ANO3: variants seen among roughly 807,000 people sequenced by gnomAD.
The protein encoded by ANO3 is anoctamin-3.
ANO3 carries 99 observed loss-of-function variants against 144.8 expected under a neutral mutation model. The observed-to-expected ratio is 0.68, with a 90% CI of 0.58 to 0.81. ANO3 has a LOEUF of 0.81. Among genes scored for constraint, ANO3 ranks in the 30% least tolerant of loss-of-function variants. The pLI is 0.00. For synonymous variants in ANO3, 414 were observed against 392.6 expected (o/e 1.05, Z -0.64); for missense variants, 905 against 1,202.2 (o/e 0.75, Z 3.66).
intron 1 of ANO3, among the ~76,000 whole-genome samples, chr11:26,199,682 T>C (rs550649473): frequency 6.6e-6 from 1 of 152,318 alleles, no homozygotes; most frequent in African/African-American, 2.4e-5. Context: ...CAAATGCCCA[T>C]GGATTTTTAT....
chr11:26,196,927 A>G (rs1425714423), intron 1 of ANO3, among the ~76,000 whole-genome samples: 1 of 152,234 alleles, frequency 6.6e-6, no homozygotes, highest in Non-Finnish European at 1.5e-5. Context: ...TCATTAAGAG[A>G]GAATAAAACA....
At chr11:26,212,301 A>G (rs1022040050) in intron 1 of ANO3, among the ~76,000 whole-genome samples, 1 of 151,996 alleles carries the variant, frequency 6.6e-6, no homozygotes, top group African/African-American at 2.4e-5. Context: ...GTAGAACTGA[A>G]GGAGGTGGAG....
At chr11:26,295,403 T>C (rs1041317435) in intron 1 of ANO3, among the ~76,000 whole-genome samples, 2 of 149,882 alleles carry the variant, frequency 1.3e-5, no homozygotes, top group Non-Finnish European at 3.0e-5. Context: ...CGGGCGCCTA[T>C]AGTCCCAGCT....
intron 3 of ANO3, among the ~76,000 whole-genome samples, chr11:26,446,497 A>G (rs1858707372): frequency 6.6e-6 from 1 of 152,212 alleles, no homozygotes; most frequent in African/African-American, 2.4e-5. Context: ...GATATTTCTC[A>G]TTGTTCCAAA....
intron 12 of ANO3, among the ~76,000 whole-genome samples, chr11:26,553,043 A>G (rs1849978106): frequency 6.2e-5 from 1 of 16,114 alleles, no homozygotes; most frequent in African/African-American, 2.1e-4. Flanking sequence ...TAAAGAAGGA[A>G]TCCCAAACTT....
chr11:26,401,413 C>A (rs972794298), intron 1 of ANO3, among the ~76,000 whole-genome samples: 1 of 151,988 alleles, frequency 6.6e-6, no homozygotes, highest in African/African-American at 2.4e-5. Flanking sequence ...TATCCGCTTT[C>A]CTGGTAGTTT....
Position 26,660,549 on chromosome 11 carries a change from A to G in ANO3, c.*105A>G, listed in dbSNP as rs1565173452. On this transcript the variant is annotated 3_prime_UTR_variant, in exon 27 of 27. Coordinates refer to ENST00000256737, the MANE Select transcript of ANO3 (RefSeq NM_031418.4). ...GAGGAAGGCATACTTGGCAAACCAC[A>G]TGTATAATATGCTACTTGGAAATGT... 6 of 943,518 alleles carry G rather than the reference A, an allele frequency of 6.4e-6. No homozygotes were observed. The African/African-American group carries it at 6.7e-5, about 11-fold the overall frequency. 58.4% of individuals were successfully genotyped at this position (943,518 alleles called of 1,614,324 possible). A position where few individuals can be genotyped will look rare whatever the true frequency, so the allele number is the denominator to read the frequency against.
At chr11:26,189,039 G>A (rs1851427077) in exon 1 of ANO3, 1 of 256,142 alleles carries the variant, frequency 3.9e-6, no homozygotes, top group Middle Eastern at 2.1e-3. Flanking sequence ...ATTTCCTTTG[G>A]ATTTCCAAGT....
At chr11:26,455,668 A>G (rs920590946) in intron 3 of ANO3, among the ~76,000 whole-genome samples, 5 of 152,112 alleles carry the variant, frequency 3.3e-5, no homozygotes, top group South Asian at 2.1e-4. Context: ...TATAGATTCA[A>G]TGCCATCCCC....
upstream of ANO3, chr11:26,331,492 TATA>T (rs1328162726): frequency 2.0e-5 from 3 of 152,212 alleles, no homozygotes; most frequent in Non-Finnish European, 4.4e-5. Flanking sequence ...AGTTTCTTTT[TATA>T]ATATTAGAAT....
chr11:26,200,690 A>G (rs1450143763), intron 1 of ANO3, among the ~76,000 whole-genome samples: 3 of 152,176 alleles, frequency 2.0e-5, no homozygotes, highest in African/African-American at 7.2e-5. Flanking sequence ...ACAAAATATT[A>G]CATGTATGAT....
At chr11:26,453,297 C>G (rs565746309) in intron 3 of ANO3, among the ~76,000 whole-genome samples, 76 of 151,324 alleles carry the variant, frequency 5.0e-4, no homozygotes, top group South Asian at 2.1e-3. Context: ...ATTGGATAAA[C>G]AGTCAAGACC....
chr11:26,443,289 T>C (rs1858587788), intron 2 of ANO3, among the ~76,000 whole-genome samples: 1 of 152,192 alleles, frequency 6.6e-6, no homozygotes, highest in Non-Finnish European at 1.5e-5. Flanking sequence ...TATAGGTGTT[T>C]CTTTTTTCCC....
intron 1 of ANO3, among the ~76,000 whole-genome samples, chr11:26,384,912 A>G (rs1856684156): frequency 6.6e-6 from 1 of 152,184 alleles, no homozygotes; most frequent in South Asian, 2.1e-4. Flanking sequence ...TACCTTGGCA[A>G]TTCTACCTTG....
At chr11:26,231,425 G>T (rs1852397722) in intron 1 of ANO3, among the ~76,000 whole-genome samples, 1 of 152,164 alleles carries the variant, frequency 6.6e-6, no homozygotes, top group Non-Finnish European at 1.5e-5. Context: ...GGTTTGGATG[G>T]AGATTAAGTA....
Position 26,594,643 on chromosome 11 carries a change from T to C in ANO3, c.1448-3722T>C, listed in dbSNP as rs560392987. On this transcript the variant is annotated intron_variant, in intron 14 of 26. Transcript: ENST00000256737. ...TGGGTTCATTGTTTACCCCTTTGTC[T>C]ATCTCTTTTTGGACTGTTTGGGTTG... Among the ~76,000 whole-genome samples the C allele has an allele frequency of 7.7e-4, 117 of 152,288 alleles. 2 individuals carry two copies. In the South Asian group the frequency reaches 0.023, roughly 30 times the overall value.
chr11:26,406,380 A>T (rs944385821), intron 1 of ANO3, among the ~76,000 whole-genome samples: 1 of 151,886 alleles, frequency 6.6e-6, no homozygotes, highest in African/African-American at 2.4e-5. Flanking sequence ...ATTAAGTTTC[A>T]ACATGAATTT....
intron 1 of ANO3, among the ~76,000 whole-genome samples, chr11:26,402,615 A>G (rs1440905898): frequency 6.6e-6 from 1 of 151,978 alleles, no homozygotes; most frequent in African/African-American, 2.4e-5. Context: ...GGAACAGAAA[A>G]CTGAATACCA....
At chr11:26,255,605 G>T (rs1853039308) in intron 1 of ANO3, among the ~76,000 whole-genome samples, 1 of 152,130 alleles carries the variant, frequency 6.6e-6, no homozygotes, top group Non-Finnish European at 1.5e-5. Context: ...GAGAATACAG[G>T]TGAGATAAAA....
Sources: gnomAD v4.1 joint callset for allele counts (sites outside exome capture counted in the v4.1 genomes callset) on GRCh38, gnomAD v4.1.1 for gene constraint, MANE v1.5 for transcripts, NCBI Gene and HGNC (gene_info 2026-07-23, HGNC 2026-07-21) for gene names.